The following SLC25A53 variants were observed in gnomAD, a reference collection of about 807,000 sequenced individuals.
SLC25A53 encodes solute carrier family 25 member 53, also known as mitochondrial carrier triple repeat protein 6.
SLC25A53 carries 5 observed loss-of-function variants against 15.0 expected under a neutral mutation model. The observed-to-expected ratio is 0.33, with a 90% CI of 0.17 to 0.70. The LOEUF (loss-of-function observed/expected upper bound fraction) is 0.70, where lower values mean the gene tolerates loss of function less well. SLC25A53 is among the 30% of genes least tolerant of loss of function. The probability of loss-of-function intolerance (pLI) is 0.67; values close to 1 mark genes in which losing one functional copy is unlikely to be tolerated. For synonymous variants in SLC25A53, 95 were observed against 100.0 expected (o/e 0.95, Z 0.30); for missense variants, 216 against 241.6 (o/e 0.89, Z 0.70).
chrX:104,104,548 G>A lies in SLC25A53; in HGVS notation c.710C>T (p.Ala237Val). The A allele has an allele frequency of 8.3e-7, 1 of 1,211,832 alleles. No individual in the cohort carries two copies. The highest frequency in any genetic ancestry group is 1.7e-5 in the African/African-American group (1 of 57,812). Residue 237 changes from alanine to valine, a missense_variant, in exon 2 of 2, where the codon GCT (alanine) becomes GTT (valine). Transcript: ENST00000594199. ...LVLYPLIVLV[A>V]NMQSHIGWQN... ...CCATCCAATATGGGACTGCATATTA[G>A]CAACCAGCACAATCAGAGGATACAG...
intron 1 of SLC25A53, among the ~76,000 whole-genome samples, chrX:104,147,293 A>T (rs1178486959): frequency 9.0e-6 from 1 of 111,034 alleles, no homozygotes; most frequent in Non-Finnish European, 1.9e-5. Context: ...ACCTTATACA[A>T]AAATTAATTC....
At chrX:104,132,864 G>C (rs782391007) in intron 1 of SLC25A53, among the ~76,000 whole-genome samples, 2 of 111,701 alleles carry the variant, frequency 1.8e-5, no homozygotes, top group East Asian at 5.7e-4. Context: ...ATAAAATCTT[G>C]GAATGGAGAG....
chrX:104,142,072 C>G (rs1378261002), intron 1 of SLC25A53, among the ~76,000 whole-genome samples: 1 of 111,501 alleles, frequency 9.0e-6, no homozygotes, highest in African/African-American at 3.3e-5. Flanking sequence ...TGGTTAAACC[C>G]TGTCTGTACA....
chrX:104,149,610 G>A (rs2075479199), intron 1 of SLC25A53, among the ~76,000 whole-genome samples: 1 of 112,026 alleles, frequency 8.9e-6, no homozygotes, highest in South Asian at 3.7e-4. Context: ...TGTCACTGCA[G>A]GTGAGCCAGA....
chrX:104,147,278 C>T (rs1426991988), intron 1 of SLC25A53, among the ~76,000 whole-genome samples: 2 of 110,825 alleles, frequency 1.8e-5, no homozygotes, highest in African/African-American at 6.6e-5. Flanking sequence ...GGATCCCTTC[C>T]TTACACCTTA....
intron 1 of SLC25A53, among the ~76,000 whole-genome samples, chrX:104,118,648 T>C (rs1556362036): frequency 8.9e-6 from 1 of 112,494 alleles, no homozygotes; most frequent in African/African-American, 3.2e-5. Flanking sequence ...GGCTGGGAAG[T>C]TAGGAAACGT....
At chrX:104,142,912 C>T (rs2075454977) in intron 1 of SLC25A53, among the ~76,000 whole-genome samples, 1 of 94,530 alleles carries the variant, frequency 1.1e-5, no homozygotes, top group African/African-American at 4.0e-5. Flanking sequence ...CAGAGCGAGA[C>T]TCCATCTCAA....
In SLC25A53 at chrX:104,113,722, CTA is replaced by C. The variant is rs782558728; in HGVS notation, c.-31-8436_-31-8435del. ...GAGGGCCCAGTATCAGCTCCCAACA[CTA>C]TGTCATCTAGAATTAGAAGCAACAG... On this transcript the variant is annotated intron_variant, in intron 1 of 1. Transcript: ENST00000594199. 558 of 160,379 alleles carry C rather than the reference CTA, an allele frequency of 3.5e-3. 5 individuals are homozygous for C. The highest frequency in any genetic ancestry group is 0.016 in the African/African-American group (515 of 32,146). 13.2% of individuals were successfully genotyped at this position (160,379 alleles called of 1,213,427 possible).
Position 104,138,808 on chromosome X carries a change from C to T in SLC25A53, c.-32+18070G>A, listed in dbSNP as rs183839862. On this transcript the variant is annotated intron_variant, in intron 1 of 1. Coordinates refer to ENST00000594199, the MANE Select transcript of SLC25A53 (RefSeq NM_001012755.5). ...CTAGCCAAACTCCGTGTCGTTCTGC[C>T]GCTCAATGGCCTGCCGGCGTGCTGG... 2.7e-5 allele frequency among the ~76,000 whole-genome samples: 3 copies of T among 111,911 alleles called. No homozygotes were observed. In the East Asian group the frequency reaches 8.5e-4, roughly 32 times the overall value.
At chrX:104,137,737 C>A (rs2075440445) in intron 1 of SLC25A53, among the ~76,000 whole-genome samples, 1 of 111,605 alleles carries the variant, frequency 9.0e-6, no homozygotes, top group South Asian at 3.7e-4. Flanking sequence ...AACTCAGCTG[C>A]ATTGACCAAT....
At chrX:104,134,363 G>A (rs545574418) in intron 1 of SLC25A53, among the ~76,000 whole-genome samples, 1 of 111,235 alleles carries the variant, frequency 9.0e-6, no homozygotes, top group African/African-American at 3.3e-5. Context: ...CGGTGGAGAC[G>A]ATAGGACAGA....
At chrX:104,125,735 G>A (rs782581970) in intron 1 of SLC25A53, among the ~76,000 whole-genome samples, 3 of 111,489 alleles carry the variant, frequency 2.7e-5, no homozygotes, top group East Asian at 5.7e-4. Context: ...CCTTAAGAGG[G>A]AGCTGTCACC....
chrX:104,154,194 T>G lies in SLC25A53; in HGVS notation c.-32+2684A>C, dbSNP rs533695559. On this transcript the variant is annotated intron_variant, in intron 1 of 1. Coordinates refer to ENST00000594199, the MANE Select transcript of SLC25A53 (RefSeq NM_001012755.5). ...TGGACAAAGGACCCGAATAGACATTTCTCAAATGAAGACACACAAATGGCC... is the reference window on the plus strand; with the variant it reads ...TGGACAAAGGACCCGAATAGACATTGCTCAAATGAAGACACACAAATGGCC... 3.1e-4 allele frequency among the ~76,000 whole-genome samples: 35 copies of G among 112,154 alleles called. No homozygotes were observed. The South Asian group carries it at 0.012, about 40-fold the overall frequency.
intron 1 of SLC25A53, among the ~76,000 whole-genome samples, chrX:104,139,010 A>G (rs1255000799): frequency 8.9e-6 from 1 of 112,272 alleles, no homozygotes; most frequent in Admixed American, 9.3e-5. Flanking sequence ...TTTGGGCAGG[A>G]AAACAAAAAT....
intron 1 of SLC25A53, among the ~76,000 whole-genome samples, chrX:104,134,238 G>C (rs1222827496): frequency 1.1e-4 from 12 of 112,098 alleles, no homozygotes; most frequent in African/African-American, 3.9e-4. Context: ...AGTGTCCTGG[G>C]ATTTCTCTTA....
At chrX:104,153,915 C>T (rs181891111) in intron 1 of SLC25A53, among the ~76,000 whole-genome samples, 1 of 112,116 alleles carries the variant, frequency 8.9e-6, no homozygotes, top group Admixed American at 9.4e-5. Context: ...GAAGAAACTA[C>T]AGGACACTGG....
intron 1 of SLC25A53, among the ~76,000 whole-genome samples, chrX:104,133,332 C>A (rs2075429806): frequency 1.8e-5 from 2 of 111,275 alleles, no homozygotes; most frequent in Admixed American, 1.9e-4. Context: ...TATAATGATT[C>A]CCAAGGACAC....
intron 1 of SLC25A53, among the ~76,000 whole-genome samples, chrX:104,146,901 C>T (rs781918967): frequency 0.019 from 2,106 of 110,849 alleles, 62 homozygotes; most frequent in African/African-American, 0.067. Flanking sequence ...AGATTCAATG[C>T]CATCCCCATC....
chrX:104,135,603 C>A (rs1265496085), intron 1 of SLC25A53, among the ~76,000 whole-genome samples: 1 of 111,090 alleles, frequency 9.0e-6, no homozygotes, highest in Admixed American at 9.6e-5. Flanking sequence ...CCTAAATCCC[C>A]TCTAGCACAG....
Sources: allele counts gnomAD v4.1 joint callset (sites outside exome capture counted in the v4.1 genomes callset), GRCh38; gene constraint gnomAD v4.1.1; transcripts MANE v1.5; gene names NCBI Gene and HGNC (gene_info 2026-07-23, HGNC 2026-07-21).